The following BPNT2 variants were observed in gnomAD, a reference collection of about 807,000 sequenced individuals.
BPNT2 encodes 3'(2'), 5'-bisphosphate nucleotidase 2.
BPNT2 carries 11 observed loss-of-function variants against 29.3 expected under a neutral mutation model. The ratio of observed to expected loss-of-function variants is 0.38; its 90% CI spans 0.24 to 0.62. The LOEUF (loss-of-function observed/expected upper bound fraction) is 0.62, where lower values mean the gene tolerates loss of function less well. BPNT2 is among the 20% of genes least tolerant of loss of function. The pLI is 0.62. For missense variants in BPNT2, 459 were observed against 473.4 expected, an observed-to-expected ratio of 0.97 and a Z score of 0.28; for synonymous variants, 195 against 187.7, an observed-to-expected ratio of 1.04 and a Z score of -0.32.
In BPNT2 at chr8:56,963,552, T is replaced by C. The variant is rs1017979104; in HGVS notation, c.*241A>G. The C allele has an allele frequency of 3.9e-6, 2 of 516,010 alleles. No homozygotes were observed. The highest frequency in any genetic ancestry group is 1.9e-5 in the African/African-American group (1 of 52,524). The allele number at this position is 516,010 out of a possible 1,614,324, so 32.0% of individuals were successfully genotyped here. A position where few individuals can be genotyped will look rare whatever the true frequency, so the allele number is the denominator to read the frequency against. ...TTCACAAATATATATATGCGCCTTG[T>C]GTATGACAACTGTATGAAAATAGTC... On this transcript the variant is annotated 3_prime_UTR_variant, in exon 5 of 5. Coordinates refer to ENST00000262644, the MANE Select transcript of BPNT2 (RefSeq NM_017813.5).
intron 1 of BPNT2, among the ~76,000 whole-genome samples, chr8:56,984,412 G>A (rs1806295542): frequency 6.6e-6 from 1 of 152,174 alleles, no homozygotes. Context: ...GTCAACACCA[G>A]AAAGTCTTCC....
At chr8:56,980,946 TTATG>T (rs933801609) in intron 1 of BPNT2, among the ~76,000 whole-genome samples, 28 of 151,614 alleles carry the variant, frequency 1.8e-4, no homozygotes, top group African/African-American at 6.8e-4. Flanking sequence ...GTATAATACT[TTATG>T]TAAGTATTCT....
rs775406965 is a variant in BPNT2, at chr8:56,993,377, G to A, written c.209C>T (p.Ser70Leu). Residue 70 changes from serine (S) to leucine (L), a missense_variant, in exon 1 of 5, where the codon TCA becomes TTA. Transcript: ENST00000262644. The stretch of plus-strand genomic sequence containing the variant: ...GCCGCCGCGGACTGCGGCCAGCACT[G>A]ACACAGCCAGCATCTCGCGCAAGTC... ...TVDLREMLAVSVLAAVRGGDE... is the reference protein window; with the variant it reads ...TVDLREMLAVLVLAAVRGGDE... The A allele has an allele frequency of 1.1e-5, 17 of 1,609,060 alleles. No homozygotes were observed. The South Asian group carries it at 1.8e-4, about 17-fold the overall frequency.
At chr8:56,973,881 T>A (rs1430756011) in intron 3 of BPNT2, among the ~76,000 whole-genome samples, 1 of 152,130 alleles carries the variant, frequency 6.6e-6, no homozygotes, top group Non-Finnish European at 1.5e-5. Flanking sequence ...TTTAGAGAAA[T>A]GAAAAGTAAA....
chr8:56,963,167 A>G lies in BPNT2; in HGVS notation c.*626T>C, dbSNP rs1339779033. ...ACACATACACACAGAAATTATTACAATGCAAATCATCATGTGTCTCTATTT... is the reference window on the plus strand; with the variant it reads ...ACACATACACACAGAAATTATTACAGTGCAAATCATCATGTGTCTCTATTT... On this transcript the variant is annotated 3_prime_UTR_variant, in exon 5 of 5. Coordinates refer to ENST00000262644, the MANE Select transcript of BPNT2 (RefSeq NM_017813.5). 2.0e-5 allele frequency: 3 copies of G among 152,634 alleles called. No homozygotes were observed. The highest frequency in any genetic ancestry group is 2.9e-5 in the Non-Finnish European group (2 of 68,276). The allele number at this position is 152,634 out of a possible 1,614,324, so 9.5% of individuals were successfully genotyped here.
chr8:56,976,161 C>T (rs1171652439), intron 3 of BPNT2, among the ~76,000 whole-genome samples: 3 of 152,138 alleles, frequency 2.0e-5, no homozygotes, highest in Non-Finnish European at 4.4e-5. Flanking sequence ...CCACGTCTCC[C>T]CTTTTACCCT....
In BPNT2 at chr8:56,963,528, T is replaced by C. The variant is rs1056205741; in HGVS notation, c.*265A>G. 2 of 426,026 alleles carry C rather than the reference T, an allele frequency of 4.7e-6. No individual in the cohort carries two copies. Among genetic ancestry groups the C allele is most frequent in the African/African-American group, 4.0e-5 (2 of 50,590 alleles). The allele number at this position is 426,026 out of a possible 1,614,324, so 26.4% of individuals were successfully genotyped here. ...TGTAGACTCAGCTACAGATTTTAAT[T>C]CACAAATATATATATGCGCCTTGTG... On this transcript the variant is annotated 3_prime_UTR_variant, in exon 5 of 5. Coordinates refer to ENST00000262644, the MANE Select transcript of BPNT2 (RefSeq NM_017813.5).
At chr8:56,971,365 T>C (rs933736954) in intron 3 of BPNT2, among the ~76,000 whole-genome samples, 1 of 151,744 alleles carries the variant, frequency 6.6e-6, no homozygotes, top group Non-Finnish European at 1.5e-5. Flanking sequence ...TATTAATAGC[T>C]ATAAAATTTC....
At chr8:56,980,739 T>C (rs548802996) in intron 1 of BPNT2, among the ~76,000 whole-genome samples, 2 of 150,250 alleles carry the variant, frequency 1.3e-5, no homozygotes, top group African/African-American at 4.9e-5. Flanking sequence ...AGAGGAAGGG[T>C]TGTTACGAGA....
chr8:56,971,935 A>C lies in BPNT2; in HGVS notation c.647-5583T>G, dbSNP rs188986776. On this transcript the variant is annotated intron_variant, in intron 3 of 4. Coordinates refer to ENST00000262644, the MANE Select transcript of BPNT2 (RefSeq NM_017813.5). ...ATGGTGATACCCCGTCTCTACTAAA[A>C]ATACAAAAAATTAGCCGGGCGTGGT... 2.8e-3 allele frequency among the ~76,000 whole-genome samples: 428 copies of C among 152,004 alleles called. 1 individual carries two copies. The highest frequency in any genetic ancestry group is 4.8e-3 in the Non-Finnish European group (328 of 67,962).
chr8:56,984,094 G>A (rs1806289258), intron 1 of BPNT2, among the ~76,000 whole-genome samples: 1 of 152,044 alleles, frequency 6.6e-6, no homozygotes, highest in Non-Finnish European at 1.5e-5. Context: ...CTTAACCACT[G>A]TAGCTTACAA....
intron 1 of BPNT2, among the ~76,000 whole-genome samples, chr8:56,988,134 G>T (rs10958515): frequency 0.21 from 31,659 of 151,952 alleles, 3,683 homozygotes; most frequent in East Asian, 0.45. Context: ...TTCAAATATA[G>T]CTCTATAAAC....
chr8:56,976,739 C>T (rs1461976188), intron 3 of BPNT2, among the ~76,000 whole-genome samples: 1 of 152,108 alleles, frequency 6.6e-6, no homozygotes, highest in Non-Finnish European at 1.5e-5. Flanking sequence ...TTCCATTTCT[C>T]CCCACTTCAC....
rs1456259491 is a variant in BPNT2 at position 56,963,573 on chromosome 8, T to C, written c.*220A>G. On this transcript the variant is annotated 3_prime_UTR_variant, in exon 5 of 5. Coordinates refer to ENST00000262644, the MANE Select transcript of BPNT2 (RefSeq NM_017813.5). ...CTTGTGTATGACAACTGTATGAAAA[T>C]AGTCTCAAAAATAAAGACAATACTT... The C allele has an allele frequency of 1.2e-5, 7 of 560,388 alleles. No individual in the cohort carries two copies. The highest frequency in any genetic ancestry group is 2.9e-5 in the East Asian group (1 of 33,912). 34.7% of individuals were successfully genotyped at this position (560,388 alleles called of 1,614,324 possible).
At position 56,978,104 on chromosome 8, in the gene BPNT2, CA is replaced by C. The variant is rs1451639671; in HGVS notation, c.591del (p.Val198Ter). On this transcript the variant is annotated frameshift_variant, in exon 3 of 5. Transcript: ENST00000262644. LOFTEE classifies it high-confidence loss of function. Reference sequence around the variant, plus strand: ...ACTCCTAGCATGGGTTTACCATTTACAGCCACACACACCATAGTAGTGACGT... The same window carrying C: ...ACTCCTAGCATGGGTTTACCATTTACGCCACACACACCATAGTAGTGACGT... ...RKYVTTMVCV[A>X]VNGKPMLGVI... The C allele has an allele frequency of 6.2e-7, 1 of 1,612,218 alleles. No individual in the cohort carries two copies. Among genetic ancestry groups the C allele is most frequent in the Admixed American group, 1.7e-5 (1 of 60,010 alleles).
chr8:56,993,042 C>T (rs530828633), intron 1 of BPNT2, among the ~76,000 whole-genome samples, 157 bp downstream of exon 1: 3 of 152,336 alleles, frequency 2.0e-5, no homozygotes, highest in African/African-American at 7.2e-5. Flanking sequence ...CACCCAGCTC[C>T]TCTGCTGTCT....
At chr8:56,964,278 G>A in intron 4 of BPNT2, 1 of 457,608 alleles carries the variant, frequency 2.2e-6, no homozygotes. Context: ...ACATTGCAAA[G>A]TAACTTATTG....
chr8:56,982,374 GC>G (rs1211790314), intron 1 of BPNT2, among the ~76,000 whole-genome samples: 3 of 152,150 alleles, frequency 2.0e-5, no homozygotes, highest in Non-Finnish European at 4.4e-5. Context: ...GCCCGCCTCG[GC>G]CTCCCAAAGT....
intron 3 of BPNT2, among the ~76,000 whole-genome samples, chr8:56,977,779 A>C (rs540570627): frequency 8.4e-4 from 128 of 152,242 alleles, no homozygotes; most frequent in African/African-American, 2.4e-3. Context: ...AAGCCAATGA[A>C]CACCACAGAA....
Sources: gnomAD v4.1 joint callset for allele counts (sites outside exome capture counted in the v4.1 genomes callset) on GRCh38, gnomAD v4.1.1 for gene constraint, MANE v1.5 for transcripts, NCBI Gene and HGNC (gene_info 2026-07-23, HGNC 2026-07-21) for gene names.